RAB9B: variants seen among roughly 807,000 people sequenced by gnomAD.
The protein encoded by RAB9B is ras-related protein Rab-9B.
RAB9B carries 1 observed loss-of-function variant against 8.9 expected under a neutral mutation model. The observed-to-expected ratio is 0.11, with a 90% CI of 0.04 to 0.53. The LOEUF is 0.53. Among genes scored for constraint, RAB9B ranks in the 20% least tolerant of loss-of-function variants. The pLI, the probability that RAB9B is intolerant of heterozygous loss-of-function variation, is 0.93. For synonymous variants in RAB9B, 63 were observed against 57.0 expected (o/e 1.10, Z -0.47); for missense variants, 82 against 152.9 (o/e 0.54, Z 2.45).
chrX:103,786,005 A>G, the RAB9B span: 1 of 751,084 alleles, frequency 1.3e-6, no homozygotes, highest in Non-Finnish European at 1.8e-6. Flanking sequence ...GTTTTCTTAC[A>G]CGTGTTCTGA....
chrX:103,830,035 C>T (rs757514341), intron 1 of RAB9B, among the ~76,000 whole-genome samples: 1 of 111,590 alleles, frequency 9.0e-6, no homozygotes, highest in African/African-American at 3.3e-5. Flanking sequence ...GAACTTGACT[C>T]GATCATTTTC....
chrX:103,796,429 A>C, the RAB9B span, among the ~76,000 whole-genome samples: 1 of 111,855 alleles, frequency 8.9e-6, no homozygotes, highest in East Asian at 2.8e-4. Context: ...AGATTGTGCC[A>C]CTGCACTCCA....
the RAB9B span, chrX:103,787,524 C>T: frequency 2.4e-6 from 1 of 418,020 alleles, no homozygotes; most frequent in Non-Finnish European, 4.2e-6. Context: ...ACCTTATCTG[C>T]CCAAAAACAT....
At chrX:103,809,424 C>T in the RAB9B span, among the ~76,000 whole-genome samples, 1 of 111,871 alleles carries the variant, frequency 8.9e-6, no homozygotes, top group East Asian at 2.8e-4. Context: ...CCTCAGCCTC[C>T]CGAGTAGCTG....
the RAB9B span, among the ~76,000 whole-genome samples, chrX:103,797,087 C>T: frequency 4.7e-5 from 4 of 84,658 alleles, no homozygotes; most frequent in Non-Finnish European, 7.0e-5. Flanking sequence ...GGAAAGAGAC[C>T]TTTTTTTTTT....
downstream of RAB9B, among the ~76,000 whole-genome samples, chrX:103,820,390 T>G (rs755729993): frequency 8.9e-6 from 1 of 111,954 alleles, no homozygotes; most frequent in East Asian, 2.8e-4. Flanking sequence ...GTAATTCAAA[T>G]GAAAGTAGAG....
chrX:103,825,047 G>A lies in RAB9B; in HGVS notation c.*132C>T, dbSNP rs1427700960. The A allele has an allele frequency of 2.5e-5, 17 of 671,925 alleles. No homozygotes were observed. The highest frequency in any genetic ancestry group is 3.5e-5 in the Non-Finnish European group (16 of 459,209). 55.4% of individuals were successfully genotyped at this position (671,925 alleles called of 1,213,427 possible). A position where few individuals can be genotyped will look rare whatever the true frequency, so the allele number is the denominator to read the frequency against. On this transcript the variant is annotated 3_prime_UTR_variant, in exon 3 of 3. Coordinates refer to ENST00000243298, the MANE Select transcript of RAB9B (RefSeq NM_016370.4). ...AATCAATCTACACTTCAATTTGAAA[G>A]GCTCTGTTTCACAATCAGAACCTTG...
the RAB9B span, chrX:103,786,805 C>A: frequency 9.6e-7 from 1 of 1,041,086 alleles, no homozygotes; most frequent in Non-Finnish European, 1.3e-6. Context: ...CGTCCCCACC[C>A]AAGGCTGGGT....
chrX:103,797,264 A>T, the RAB9B span, among the ~76,000 whole-genome samples: 3 of 109,497 alleles, frequency 2.7e-5, no homozygotes, highest in Non-Finnish European at 5.7e-5. Flanking sequence ...AATTTAAAAA[A>T]AATTTTTTGT....
At chrX:103,827,661 T>C (rs2074688444) in intron 1 of RAB9B, among the ~76,000 whole-genome samples, 2 of 111,998 alleles carry the variant, frequency 1.8e-5, no homozygotes, top group Admixed American at 9.5e-5. Flanking sequence ...TCATTTTTCT[T>C]TTCTTTATTT....
rs1278111672 is a variant in RAB9B, at chrX:103,825,271, C to T, written c.514G>A (p.Val172Met). 4.1e-6 allele frequency: 5 copies of T among 1,209,526 alleles called. No individual in the cohort carries two copies. Among genetic ancestry groups the T allele is most frequent in the African/African-American group, 3.5e-5 (2 of 56,963 alleles). The change falls in exon 3 of 3, where the codon GTG (valine) becomes ATG (methionine). Residue 172 changes from valine to methionine, a missense_variant. By Grantham distance (21) the Val-to-Met change is conservative (BLOSUM62 1). Transcript: ENST00000243298. ...TCCAGCTGTTCCTCTACAGCCAGCACCTGCCTGACAGCTTCTTCAAAGGCC... is the reference window on the plus strand; with the variant it reads ...TCCAGCTGTTCCTCTACAGCCAGCATCTGCCTGACAGCTTCTTCAAAGGCC... ...TVAFEEAVRQ[V>M]LAVEEQLEHC... is the part of the protein sequence containing the mutation.
downstream of RAB9B, among the ~76,000 whole-genome samples, chrX:103,818,022 C>T (rs891777974): frequency 1.9e-4 from 21 of 110,755 alleles, no homozygotes; most frequent in African/African-American, 6.9e-4. Context: ...ATACCATAAA[C>T]AAAATTAAAA....
downstream of RAB9B, among the ~76,000 whole-genome samples, chrX:103,817,805 T>C (rs1017392970): frequency 9.0e-6 from 1 of 110,915 alleles, no homozygotes; most frequent in African/African-American, 3.3e-5. Flanking sequence ...AATTAAAGCA[T>C]CTGGATGAAT....
the RAB9B span, chrX:103,779,727 G>A: frequency 8.9e-6 from 1 of 111,742 alleles, no homozygotes; most frequent in Non-Finnish European, 1.9e-5. Context: ...AGCGATCTGA[G>A]TAATAACAAC....
At position 103,830,635 on chromosome X, in the gene RAB9B, T is replaced by C. The variant is rs770885033; in HGVS notation, c.-117+1425A>G. 1.5e-4 allele frequency among the ~76,000 whole-genome samples: 17 copies of C among 110,910 alleles called. 1 individual carries two copies. The highest frequency in any genetic ancestry group is 1.4e-3 in the Admixed American group (15 of 10,445). On this transcript the variant is annotated intron_variant, in intron 1 of 2. Coordinates refer to ENST00000243298, the MANE Select transcript of RAB9B (RefSeq NM_016370.4). ...TTTTTTTTTCCCATCAGGGTCTCAG[T>C]CTTGGAGAGTAAGGTGAATTAGGAA...
At chrX:103,787,027 C>T in the RAB9B span, 3 of 335,110 alleles carry the variant, frequency 9.0e-6, no homozygotes, top group Non-Finnish European at 1.6e-5. Flanking sequence ...TGTTCCCTTC[C>T]TAGTAGGTAC....
At chrX:103,786,579 C>T in the RAB9B span, 2 of 1,211,473 alleles carry the variant, frequency 1.7e-6, no homozygotes, top group Non-Finnish European at 1.1e-6. Flanking sequence ...AGATCTTTGG[C>T]GACTACAAGA....
At chrX:103,790,708 T>C in the RAB9B span, 6 of 594,979 alleles carry the variant, frequency 1.0e-5, no homozygotes, top group East Asian at 2.0e-4. Flanking sequence ...GGCCCTCTTC[T>C]TACTTGATGA....
the RAB9B span, among the ~76,000 whole-genome samples, chrX:103,785,097 CAG>C: frequency 9.2e-5 from 10 of 108,714 alleles, no homozygotes; most frequent in Non-Finnish European, 1.9e-4. Context: ...TTTCTTGAGA[CAG>C]AGTCTCGCTC....
Sources: gnomAD v4.1 joint callset for allele counts (sites outside exome capture counted in the v4.1 genomes callset) on GRCh38, gnomAD v4.1.1 for gene constraint, MANE v1.5 for transcripts, NCBI Gene and HGNC (gene_info 2026-07-23, HGNC 2026-07-21) for gene names.